SH3D19: variants seen among roughly 807,000 people sequenced by gnomAD.
SH3D19 encodes SH3 domain containing 19.
A neutral mutation model predicts 112.1 loss-of-function variants in SH3D19; 58 were observed. That is an observed-to-expected ratio of 0.52 (90% CI 0.42 to 0.64). The LOEUF (loss-of-function observed/expected upper bound fraction) is 0.64, where lower values mean the gene tolerates loss of function less well. Ranked by LOEUF, SH3D19 falls within the 30% of genes least tolerant of loss-of-function variation. The pLI is 0.00. For synonymous variants in SH3D19, 391 were observed against 448.5 expected, an observed-to-expected ratio of 0.87 and a Z score of 1.62; for missense variants, 1,090 against 1,263.4, an observed-to-expected ratio of 0.86 and a Z score of 2.08.
chr4:151,297,446 G>A (rs577697706), intron 1 of SH3D19, among the ~76,000 whole-genome samples: 15 of 152,294 alleles, frequency 9.8e-5, no homozygotes, highest in South Asian at 2.1e-4. Context: ...GATAGGATGA[G>A]GGCCTATGGC....
chr4:151,262,675 CTT>C (rs1772466628), intron 1 of SH3D19: 1 of 72,750 alleles, frequency 1.4e-5, no homozygotes. Flanking sequence ...AGCCAACATT[CTT>C]CTCTCTCTCT....
rs1730944686 is a variant in SH3D19 at position 151,325,307 on chromosome 4, C to G, written c.46G>C (p.Glu16Gln). 1.5e-5 allele frequency: 18 copies of G among 1,219,560 alleles called. No homozygotes were observed. Among genetic ancestry groups the G allele is most frequent in the Non-Finnish European group, 1.8e-5 (18 of 980,064 alleles). 75.5% of individuals were successfully genotyped at this position (1,219,560 alleles called of 1,614,324 possible). A position where few individuals can be genotyped will look rare whatever the true frequency, so the allele number is the denominator to read the frequency against. ...RREDEEEELR[E>Q]RRELGGQRRA... is the part of the protein sequence containing the mutation. ...CGCTGGCCACCAAGTTCGCGGCGCT[C>G]GCGTAGCTCTTCCTCCTCGTCCTCC... The change falls in exon 1 of 20, where the codon GAG becomes CAG. Residue 16 changes from glutamate to glutamine, a missense_variant. Transcript: ENST00000604030.
chr4:151,319,168 G>C (rs6843956), intron 1 of SH3D19, among the ~76,000 whole-genome samples: 142,632 of 152,326 alleles, frequency 0.94, 66,898 homozygotes, highest in East Asian at 1. Context: ...CCTGCCTCAG[G>C]CTCCCGAGTA....
intron 1 of SH3D19, among the ~76,000 whole-genome samples, chr4:151,248,099 T>C (rs1462520159): frequency 1.4e-5 from 2 of 148,058 alleles, no homozygotes; most frequent in Admixed American, 1.4e-4. Flanking sequence ...CTGTAAGGTA[T>C]TTTTTAATGT....
intron 8 of SH3D19, among the ~76,000 whole-genome samples, chr4:151,163,311 T>C (rs975118105): frequency 2.0e-5 from 3 of 152,198 alleles, no homozygotes; most frequent in Admixed American, 2.0e-4. Context: ...TCCTAGTGAA[T>C]CATCAAACCT....
intron 3 of SH3D19, among the ~76,000 whole-genome samples, chr4:151,181,418 A>G (rs759748515): frequency 8.5e-5 from 13 of 152,140 alleles, no homozygotes; most frequent in Non-Finnish European, 1.8e-4. Flanking sequence ...AACCTCTAAG[A>G]TCTGAAACCA....
Position 151,319,688 on chromosome 4 carries a change from G to A in SH3D19, c.112+5553C>T, listed in dbSNP as rs147683270. Among the ~76,000 whole-genome samples the A allele has an allele frequency of 3.2e-3, 482 of 152,236 alleles. 2 individuals are homozygous for A. The highest frequency in any genetic ancestry group is 0.011 in the African/African-American group (470 of 41,538). The stretch of plus-strand genomic sequence containing the variant: ...AGATAAAACCTTCTAACATTTCTGA[G>A]TCTCAGTTTACTCATCTTTAAAATG... On this transcript the variant is annotated intron_variant, in intron 1 of 19. Transcript: ENST00000604030.
chr4:151,194,757 C>G (rs1763159847), intron 2 of SH3D19, among the ~76,000 whole-genome samples: 1 of 151,122 alleles, frequency 6.6e-6, no homozygotes, highest in Non-Finnish European at 1.5e-5. Context: ...CATTTTTCGT[C>G]AAACGATTAA....
chr4:151,179,363 T>G lies in SH3D19; in HGVS notation c.228A>C (p.Arg76=). ...TATAAATATAACCATACCTTCTATC[T>G]CGATGAAGTTCACTCTGAATAGAAG... ...SRTSIQSELH[R]DRRRPEITIV... The change falls in exon 4 of 20, where the codon CGA becomes CGC. Residue 76 remains arginine, a synonymous_variant. Transcript: ENST00000604030. 1.6e-6 allele frequency: 2 copies of G among 1,229,074 alleles called. No individual in the cohort carries two copies. Among genetic ancestry groups the G allele is most frequent in the Non-Finnish European group, 2.0e-6 (2 of 985,434 alleles). The allele number at this position is 1,229,074 out of a possible 1,614,324, so 76.1% of individuals were successfully genotyped here.
intron 1 of SH3D19, chr4:151,283,091 T>A (rs1167461729): frequency 6.2e-7 from 1 of 1,610,158 alleles, no homozygotes; most frequent in Non-Finnish European, 8.5e-7. Flanking sequence ...GTTGCTTTAA[T>A]CTTTTGTTCC....
At position 151,242,580 on chromosome 4, in the gene SH3D19, G is replaced by T. The variant is rs777197951; in HGVS notation, c.113-16494C>A. Among the ~76,000 whole-genome samples, 14 of 152,254 alleles carry T rather than the reference G, an allele frequency of 9.2e-5. No homozygotes were observed. The East Asian group carries it at 2.7e-3, about 29-fold the overall frequency. On this transcript the variant is annotated intron_variant, in intron 1 of 19. Transcript: ENST00000604030. ...TATCTTTAAAAAACAGGTAGCGAAA[G>T]AAAGTAAAAGCATCACATTTTTATT...
chr4:151,159,069 A>C (rs1172794590), intron 9 of SH3D19, among the ~76,000 whole-genome samples, 171 bp downstream of exon 9: 1 of 152,248 alleles, frequency 6.6e-6, no homozygotes, highest in East Asian at 1.9e-4. Flanking sequence ...GGGACTTTTA[A>C]CATATTGAAC....
At chr4:151,280,462 G>A (rs1033053303) in intron 1 of SH3D19, among the ~76,000 whole-genome samples, 2 of 152,162 alleles carry the variant, frequency 1.3e-5, no homozygotes, top group Non-Finnish European at 2.9e-5. Context: ...GAGAAACCTT[G>A]AGTCAATGGT....
At chr4:151,148,847 G>A (rs1231772866) in intron 10 of SH3D19, among the ~76,000 whole-genome samples, 1 of 152,008 alleles carries the variant, frequency 6.6e-6, no homozygotes, top group Admixed American at 6.6e-5. Context: ...AGAACATCCT[G>A]GCCAACATGG....
intron 2 of SH3D19, among the ~76,000 whole-genome samples, chr4:151,188,483 C>G (rs1398647508): frequency 1.3e-5 from 2 of 152,160 alleles, no homozygotes. Context: ...TTAAGTATCC[C>G]TAATCCAAAA....
intron 17 of SH3D19, among the ~76,000 whole-genome samples, chr4:151,128,587 G>T (rs1749933017): frequency 6.6e-6 from 1 of 152,070 alleles, no homozygotes; most frequent in Non-Finnish European, 1.5e-5. Context: ...GATAGAATTT[G>T]TGGCTTTTCT....
At chr4:151,206,039 T>TG (rs1242518511) in intron 2 of SH3D19, among the ~76,000 whole-genome samples, 1 of 151,940 alleles carries the variant, frequency 6.6e-6, no homozygotes, top group Non-Finnish European at 1.5e-5. Flanking sequence ...ACACATTAGG[T>TG]GAGAATTGTG....
chr4:151,125,467 G>GCAACAAAACAAAACA (rs1561184451), intron 19 of SH3D19, among the ~76,000 whole-genome samples: 1 of 106,880 alleles, frequency 9.4e-6, no homozygotes, highest in Non-Finnish European at 1.8e-5. Flanking sequence ...CCCTGTCTCA[G>GCAACAAAACAAAACA]AAACAAAACA....
chr4:151,172,619 A>T (rs1388680320), intron 7 of SH3D19, among the ~76,000 whole-genome samples: 1 of 152,246 alleles, frequency 6.6e-6, no homozygotes, highest in Non-Finnish European at 1.5e-5. Flanking sequence ...AATCACATTT[A>T]ACCCTTGCAA....
Sources: allele counts gnomAD v4.1 joint callset (sites outside exome capture counted in the v4.1 genomes callset), GRCh38; gene constraint gnomAD v4.1.1; transcripts MANE v1.5; gene names NCBI Gene and HGNC (gene_info 2026-07-23, HGNC 2026-07-21).